The following RYR3 variants were observed in gnomAD, a reference collection of about 807,000 sequenced individuals.
RYR3 encodes brain ryanodine receptor-calcium release channel.
In RYR3, 207 loss-of-function variants were observed where a neutral mutation model predicts 584.3. The ratio of observed to expected loss-of-function variants is 0.35; its 90% CI spans 0.32 to 0.40. The LOEUF (loss-of-function observed/expected upper bound fraction) is 0.40. Among genes scored for constraint, RYR3 ranks in the 10% least tolerant of loss-of-function variants. The pLI is 1.00. For missense variants in RYR3, 5,616 were observed against 6,089.2 expected (o/e 0.92, Z 2.59); for synonymous variants, 2,416 against 2,248.5 (o/e 1.07, Z -2.11).
At position 33,696,387 on chromosome 15, in the gene RYR3, T is replaced by C. The variant is rs764253628; in HGVS notation, c.6030T>C (p.Ser2010=). ...AGACCTACACCATCAGCCACACCTC[T>C]GTAAGCGACACCATCAACCTGCTGG... ...LRKTYTISHT[S]VSDTINLLAA... The change falls in exon 39 of 104, where the codon TCT becomes TCC. Residue 2010 remains serine (S), a synonymous_variant. Transcript: ENST00000634891. 3 of 1,613,926 alleles carry C rather than the reference T, an allele frequency of 1.9e-6. No individual in the cohort carries two copies. The highest frequency in any genetic ancestry group is 4.5e-5 in the East Asian group (2 of 44,858).
At chr15:33,666,849 C>T (rs2063518255) in intron 36 of RYR3, among the ~76,000 whole-genome samples, 1 of 152,186 alleles carries the variant, frequency 6.6e-6, no homozygotes, top group African/African-American at 2.4e-5. Context: ...TTCAGCTCAA[C>T]CCAGCTTTCT....
chr15:33,704,424 C>T lies in RYR3; in HGVS notation c.6484-2495C>T, dbSNP rs756553462. The stretch of plus-strand genomic sequence containing the variant: ...CAGAGGGAAATGTTAGAAGTTGCTC[C>T]TCCAGGCTCTGTAGGCCTGTGTTGT... On this transcript the variant is annotated intron_variant, in intron 42 of 103. Coordinates refer to ENST00000634891, the MANE Select transcript of RYR3 (RefSeq NM_001036.6). Among the ~76,000 whole-genome samples, 34 of 152,296 alleles carry T rather than the reference C, an allele frequency of 2.2e-4. No homozygotes were observed. The South Asian group carries it at 3.1e-3, about 14-fold the overall frequency.
intron 1 of RYR3, among the ~76,000 whole-genome samples, chr15:33,410,409 G>A (rs1269490699): frequency 2.0e-5 from 3 of 152,212 alleles, no homozygotes; most frequent in Non-Finnish European, 4.4e-5. Flanking sequence ...TATTCACTAC[G>A]TGTCAAGATG....
chr15:33,499,322 A>G (rs1165201591), intron 2 of RYR3, among the ~76,000 whole-genome samples: 3 of 135,898 alleles, frequency 2.2e-5, no homozygotes, highest in East Asian at 4.3e-4. Flanking sequence ...CCCTCCTGCC[A>G]CTCTTTCTTC....
At chr15:33,586,984 C>T (rs2058883028) in intron 16 of RYR3, among the ~76,000 whole-genome samples, 2 of 151,990 alleles carry the variant, frequency 1.3e-5, no homozygotes, top group Non-Finnish European at 1.5e-5. Context: ...TGGGGAGAAG[C>T]AGGCTTCGTC....
Position 33,603,299 on chromosome 15 carries a change from G to C in RYR3, c.2099G>C (p.Trp700Ser). The change falls in exon 18 of 104, where the codon TGG becomes TCG. Residue 700 changes from tryptophan (W) to serine (S), a missense_variant. By Grantham distance (177) the Trp-to-Ser change is radical. This residue lies in a region of RYR3 where 1,284 missense variants were observed against 1,344.6 expected (regional missense o/e 0.95). Coordinates refer to ENST00000634891, the MANE Select transcript of RYR3 (RefSeq NM_001036.6). ...YAPYPGGGEG[W>S]GGNGVGDDLY... ...CCATACCCAGGAGGTGGAGAAGGAT[G>C]GGGAGGCAATGGTGTTGGTGACGAC... 6.2e-7 allele frequency: 1 copy of C among 1,613,664 alleles called. No individual in the cohort carries two copies. The highest frequency in any genetic ancestry group is 1.3e-5 in the African/African-American group (1 of 75,022).
intron 87 of RYR3, among the ~76,000 whole-genome samples, chr15:33,836,198 G>C (rs1236961537): frequency 2.7e-5 from 1 of 36,498 alleles, no homozygotes; most frequent in African/African-American, 1.1e-4. Flanking sequence ...CCTTTTTTTT[G>C]TGAGGGGGGG....
At chr15:33,857,119 TA>T (rs2079760614) in intron 98 of RYR3, among the ~76,000 whole-genome samples, 1 of 152,182 alleles carries the variant, frequency 6.6e-6, no homozygotes, top group South Asian at 2.1e-4. Flanking sequence ...ACGCCCAATC[TA>T]ATGCCCTATA....
At chr15:33,816,750 G>A (rs1415529304) in intron 74 of RYR3, 112 bp from the exon 75 acceptor site, 1 of 634,902 alleles carries the variant, frequency 1.6e-6, no homozygotes, top group Non-Finnish European at 2.8e-6. Context: ...TGACCAATCA[G>A]AAGACAAGAA....
chr15:33,518,413 G>T (rs965264802), intron 3 of RYR3, among the ~76,000 whole-genome samples: 1 of 151,780 alleles, frequency 6.6e-6, no homozygotes, highest in African/African-American at 2.4e-5. Flanking sequence ...TTGTGGAGTT[G>T]TTTTTTTTCA....
intron 1 of RYR3, among the ~76,000 whole-genome samples, chr15:33,343,671 C>T (rs957200411): frequency 7.2e-5 from 11 of 152,212 alleles, no homozygotes; most frequent in African/African-American, 2.2e-4. Flanking sequence ...TTCTTGTCTA[C>T]ACATCTTGAT....
intron 1 of RYR3, among the ~76,000 whole-genome samples, chr15:33,395,957 C>T (rs537623794): frequency 6.6e-6 from 1 of 152,292 alleles, no homozygotes; most frequent in African/African-American, 2.4e-5. Flanking sequence ...CAGATGGAAA[C>T]CCACGCATAC....
intron 40 of RYR3, 63 bp from the exon 41 acceptor site, chr15:33,699,641 A>C: frequency 6.6e-7 from 1 of 1,525,364 alleles, no homozygotes; most frequent in Non-Finnish European, 9.0e-7. Flanking sequence ...CTCTGAGGTC[A>C]GAGTTTTCAG....
At position 33,785,999 on chromosome 15, in the gene RYR3, C is replaced by G; in HGVS notation, c.9589+17C>G. On this transcript the variant is annotated intron_variant, in intron 66 of 103. Transcript: ENST00000634891. The stretch of plus-strand genomic sequence containing the variant: ...GCATTGCAGGTACCGACCCCTTTCT[C>G]CCCAGTCCCCAGCCCAGGGGCCAAG... 1.3e-6 allele frequency: 2 copies of G among 1,518,462 alleles called. No individual in the cohort carries two copies. The highest frequency in any genetic ancestry group is 1.8e-6 in the Non-Finnish European group (2 of 1,128,618). 94.1% of individuals were successfully genotyped at this position (1,518,462 alleles called of 1,614,324 possible).
At chr15:33,464,491 CACATATATATATACAT>C (rs2048317467) in intron 1 of RYR3, among the ~76,000 whole-genome samples, 1 of 89,102 alleles carries the variant, frequency 1.1e-5, no homozygotes, top group South Asian at 3.2e-4. Flanking sequence ...TATATATATA[CACATATATATATACAT>C]ACACATACAC....
intron 70 of RYR3, among the ~76,000 whole-genome samples, chr15:33,809,281 C>T (rs940118052): frequency 4.6e-5 from 7 of 152,094 alleles, no homozygotes; most frequent in Non-Finnish European, 1.0e-4. Flanking sequence ...CAGTGCTGTC[C>T]CCTCATTGCT....
In RYR3 at chr15:33,710,867, A is replaced by G. The variant is rs541305940; in HGVS notation, c.6619+3813A>G. On this transcript the variant is annotated intron_variant, in intron 43 of 103. Coordinates refer to ENST00000634891, the MANE Select transcript of RYR3 (RefSeq NM_001036.6). ...GAGCAGCCAGGATATATGGGGAGCA[A>G]TATCATGAGGCTGCCCTGGGCCTGG... Among the ~76,000 whole-genome samples, 4 of 152,332 alleles carry G rather than the reference A, an allele frequency of 2.6e-5. No homozygotes were observed. The South Asian group carries it at 8.3e-4, about 32-fold the overall frequency.
At chr15:33,763,657 C>T (rs1180894267) in intron 60 of RYR3, among the ~76,000 whole-genome samples, 1 of 151,938 alleles carries the variant, frequency 6.6e-6, no homozygotes, top group African/African-American at 2.4e-5. Flanking sequence ...CTTTGGGGAG[C>T]CCAAGGCAGG....
intron 74 of RYR3, chr15:33,816,020 T>C (rs1030594881): frequency 7.6e-6 from 3 of 395,670 alleles, no homozygotes; most frequent in Non-Finnish European, 4.5e-6. Context: ...AGAACACGAA[T>C]TTGTACAATT....
Sources: allele counts gnomAD v4.1 joint callset (sites outside exome capture counted in the v4.1 genomes callset), GRCh38; gene constraint gnomAD v4.1.1; regional missense constraint gnomAD v4.1.1; transcripts MANE v1.5; gene names NCBI Gene and HGNC (gene_info 2026-07-23, HGNC 2026-07-21).